The following TXLNB variants were observed in gnomAD, a reference collection of about 807,000 sequenced individuals.
TXLNB encodes beta-taxilin.
TXLNB carries 37 observed loss-of-function variants against 57.4 expected under a neutral mutation model. The observed-to-expected ratio is 0.64, with a 90% CI of 0.50 to 0.85. The LOEUF (loss-of-function observed/expected upper bound fraction) is 0.85. Ranked by LOEUF, TXLNB falls within the 40% of genes least tolerant of loss-of-function variation. TXLNB has a pLI of 0.00. For synonymous variants in TXLNB, 302 were observed against 309.6 expected (o/e 0.98, Z 0.26); for missense variants, 848 against 825.6 (o/e 1.03, Z -0.33).
At chr6:139,295,967 A>G (rs892841414), upstream of TXLNB, among the ~76,000 whole-genome samples, 3 of 152,178 alleles carry the variant, frequency 2.0e-5, no homozygotes, top group Non-Finnish European at 4.4e-5. Context: ...CAAAGGTCAA[A>G]TAATTTATGT....
chr6:139,166,418 G>A, the TXLNB span: 2 of 1,614,224 alleles, frequency 1.2e-6, no homozygotes, highest in Non-Finnish European at 8.5e-7. Context: ...GTGCTTCTAC[G>A]AGTGGGAGAG....
At chr6:139,228,362 TAAA>T in the TXLNB span, among the ~76,000 whole-genome samples, 4 of 151,738 alleles carry the variant, frequency 2.6e-5, no homozygotes, top group African/African-American at 9.7e-5. Context: ...CCATCTCTAC[TAAA>T]AATACAAAAA....
chr6:139,313,404 A>G, the TXLNB span, among the ~76,000 whole-genome samples: 2 of 152,008 alleles, frequency 1.3e-5, no homozygotes, highest in African/African-American at 4.8e-5. Context: ...CTTTTGTTAC[A>G]TGGACTTTAG....
intron 1 of TXLNB, among the ~76,000 whole-genome samples, chr6:139,289,492 G>C (rs1310007820): frequency 6.6e-6 from 1 of 152,196 alleles, no homozygotes; most frequent in Non-Finnish European, 1.5e-5. Flanking sequence ...TTAACTGGGT[G>C]TCTGAAGGGT....
the TXLNB span, among the ~76,000 whole-genome samples, chr6:139,321,191 C>G: frequency 6.6e-6 from 1 of 152,064 alleles, no homozygotes; most frequent in Non-Finnish European, 1.5e-5. Flanking sequence ...TGTTGGTGTC[C>G]CCTACAAAAT....
chr6:139,298,331 CAG>C, the TXLNB span, among the ~76,000 whole-genome samples: 1 of 152,168 alleles, frequency 6.6e-6, no homozygotes, highest in African/African-American at 2.4e-5. Flanking sequence ...ATAAATAATG[CAG>C]ACAGATTCTA....
At chr6:139,218,611 G>A in the TXLNB span, among the ~76,000 whole-genome samples, 1 of 152,124 alleles carries the variant, frequency 6.6e-6, no homozygotes, top group African/African-American at 2.4e-5. Context: ...AATTAGCCAG[G>A]CATGGTGGAG....
chr6:139,289,096 G>T (rs1256798791), intron 1 of TXLNB, among the ~76,000 whole-genome samples, 183 bp from the exon 2 acceptor site: 2 of 152,056 alleles, frequency 1.3e-5, no homozygotes, highest in East Asian at 3.9e-4. Flanking sequence ...CCCTCATATC[G>T]TCTTATGCCC....
At chr6:139,184,840 T>C in the TXLNB span, among the ~76,000 whole-genome samples, 6 of 152,222 alleles carry the variant, frequency 3.9e-5, no homozygotes, top group African/African-American at 1.4e-4. Flanking sequence ...TCAGGGTTTA[T>C]TGGAGTTCCA....
the TXLNB span, among the ~76,000 whole-genome samples, chr6:139,223,377 G>T: frequency 6.6e-6 from 1 of 152,076 alleles, no homozygotes; most frequent in South Asian, 2.1e-4. Context: ...TAAGACTCTA[G>T]CTCAAGAAAT....
At position 139,264,541 on chromosome 6, in the gene TXLNB, A is replaced by T. The variant is rs150261792; in HGVS notation, c.688-1768T>A. Among the ~76,000 whole-genome samples, 994 of 144,380 alleles carry T rather than the reference A, an allele frequency of 6.9e-3. 11 individuals are homozygous for T. Among genetic ancestry groups the T allele is most frequent in the African/African-American group, 0.026 (950 of 36,636 alleles). The allele number at this position is 144,380 out of a possible 152,430, so 94.7% of individuals were successfully genotyped here. A position where few individuals can be genotyped will look rare whatever the true frequency, so the allele number is the denominator to read the frequency against. On this transcript the variant is annotated intron_variant, in intron 4 of 9. Coordinates refer to ENST00000358430, the MANE Select transcript of TXLNB (RefSeq NM_153235.4). ...AAGATGTAATCTTGCATATATATAT[A>T]TTTTTTGTTTTGTTTTGTTTTGTTT...
chr6:139,199,352 G>C, the TXLNB span, among the ~76,000 whole-genome samples: 1 of 152,160 alleles, frequency 6.6e-6, no homozygotes, highest in Non-Finnish European at 1.5e-5. Context: ...AACAGCTGCT[G>C]TCTACCTGAT....
At chr6:139,235,171 A>C (rs1374072708), downstream of TXLNB, among the ~76,000 whole-genome samples, 1 of 152,070 alleles carries the variant, frequency 6.6e-6, no homozygotes, top group African/African-American at 2.4e-5. Context: ...TTTCACACCC[A>C]AATGTTGCAT....
At chr6:139,180,064 G>A in the TXLNB span, 1 of 152,120 alleles carries the variant, frequency 6.6e-6, no homozygotes, top group Non-Finnish European at 1.5e-5. Flanking sequence ...GATATAATGG[G>A]TTTATACTTT....
chr6:139,291,124 C>G (rs1169215179), intron 1 of TXLNB, among the ~76,000 whole-genome samples: 9 of 152,192 alleles, frequency 5.9e-5, no homozygotes, highest in Non-Finnish European at 1.2e-4. Context: ...ATAACTTAGG[C>G]CTCCCCTGAA....
the TXLNB span, among the ~76,000 whole-genome samples, chr6:139,317,862 G>T: frequency 2.0e-5 from 3 of 152,152 alleles, no homozygotes; most frequent in African/African-American, 4.8e-5. Context: ...AGGATCACTT[G>T]AGGCCAGGAA....
the TXLNB span, among the ~76,000 whole-genome samples, chr6:139,231,042 A>T: frequency 6.6e-6 from 1 of 152,128 alleles, no homozygotes; most frequent in African/African-American, 2.4e-5. Context: ...CATACAATGC[A>T]CTCCCAGAAA....
At chr6:139,214,189 A>C in the TXLNB span, among the ~76,000 whole-genome samples, 1 of 152,220 alleles carries the variant, frequency 6.6e-6, no homozygotes, top group Non-Finnish European at 1.5e-5. Context: ...AGAGAATTTT[A>C]GACCAATATC....
chr6:139,267,102 T>C (rs1305075831), intron 4 of TXLNB, among the ~76,000 whole-genome samples: 2 of 151,888 alleles, frequency 1.3e-5, no homozygotes, highest in Admixed American at 6.6e-5. Flanking sequence ...ACCAGCAGAT[T>C]TGTACTATAA....
Sources: gnomAD v4.1 joint callset for allele counts (sites outside exome capture counted in the v4.1 genomes callset) on GRCh38, gnomAD v4.1.1 for gene constraint, MANE v1.5 for transcripts, NCBI Gene and HGNC (gene_info 2026-07-23, HGNC 2026-07-21) for gene names.